The following TNRC6B variants were observed in gnomAD, a reference collection of about 807,000 sequenced individuals.
The protein encoded by TNRC6B is trinucleotide repeat containing adaptor 6B.
Under a neutral mutation model 203.6 loss-of-function variants are expected in TNRC6B, and 52 were observed. That is an observed-to-expected ratio of 0.26 (90% confidence interval 0.20 to 0.32). TNRC6B has a LOEUF of 0.32. Ranked by LOEUF, TNRC6B falls within the 10% of genes least tolerant of loss-of-function variation. The pLI is 1.00. For missense variants in TNRC6B, 1,923 were observed against 2,286.2 expected, an observed-to-expected ratio of 0.84 and a Z score of 3.24; for synonymous variants, 838 against 845.7, an observed-to-expected ratio of 0.99 and a Z score of 0.16.
intron 1 of TNRC6B, among the ~76,000 whole-genome samples, chr22:40,049,877 T>G (rs1401459514): frequency 6.6e-6 from 1 of 152,152 alleles, no homozygotes; most frequent in Non-Finnish European, 1.5e-5. Context: ...GTGCTGAGAT[T>G]ACAGGCATGA....
rs58022219 is a variant in TNRC6B at position 40,167,704 on chromosome 22, CAAAAAAAAAAA to C, written c.113+11538_113+11548del. Reference sequence around the variant, plus strand: ...GACCAGCATAGATTCCCATCGCTACCAAAAAAAAAAAAAAAAAAAAAAAAAAGCTGGCCATG... The same window carrying C: ...GACCAGCATAGATTCCCATCGCTACCAAAAAAAAAAAAAAAGCTGGCCATG... On this transcript the variant is annotated intron_variant, in intron 4 of 23. Transcript: ENST00000301923. 4.4e-3 allele frequency among the ~76,000 whole-genome samples: 262 copies of C among 59,032 alleles called. 2 individuals carry two copies. Among genetic ancestry groups the C allele is most frequent in the African/African-American group, 0.017 (247 of 14,758 alleles). The allele number at this position is 59,032 out of a possible 152,430, so 38.7% of individuals were successfully genotyped here.
In TNRC6B at chr22:40,281,310, T is replaced by C. The variant is rs1051206463; in HGVS notation, c.3582+21T>C. 2.0e-6 allele frequency: 3 copies of C among 1,528,326 alleles called. No homozygotes were observed. In the African/African-American group the frequency reaches 4.2e-5, roughly 21 times the overall value. The allele number at this position is 1,528,326 out of a possible 1,614,324, so 94.7% of individuals were successfully genotyped here. On this transcript the variant is annotated intron_variant, in intron 11 of 22. Coordinates refer to ENST00000454349, the MANE Select transcript of TNRC6B (RefSeq NM_001162501.2). ...GACAAGTAAGGAGGCCTCTCAAATT[T>C]ATAACTGCTTGGCTATGGCCTCGCC...
intron 3 of TNRC6B, among the ~76,000 whole-genome samples, chr22:40,135,424 G>C (rs1292246466): frequency 6.6e-6 from 1 of 152,176 alleles, no homozygotes; most frequent in Non-Finnish European, 1.5e-5. Context: ...AGAGTTTCAA[G>C]AATAGACCAC....
chr22:40,289,676 A>G (rs996528550), intron 12 of TNRC6B, among the ~76,000 whole-genome samples: 3 of 152,140 alleles, frequency 2.0e-5, no homozygotes, highest in Non-Finnish European at 4.4e-5. Flanking sequence ...CCAGATCTCA[A>G]CCTTCGAACC....
In TNRC6B at chr22:40,262,072, G is replaced by T; in HGVS notation, c.356G>T (p.Gly119Val). 2.5e-6 allele frequency: 4 copies of T among 1,580,274 alleles called. No homozygotes were observed. The highest frequency in any genetic ancestry group is 3.5e-6 in the Non-Finnish European group (4 of 1,155,998). ...CCTCCACCGTCCTGCATGCTCCTTG[G>T]GGGTGGGGCAGGGCCTCCTCCCTGC... ...QPPPPSCMLL[G>V]GGAGPPPCTA... Residue 119 changes from glycine (G) to valine (V), a missense_variant, in exon 4 of 23, where the codon GGG becomes GTG. Around this residue, in one of 8 missense-constraint regions of TNRC6B, gnomAD observed 614 missense variants for 587.7 expected, o/e 1.04. Coordinates refer to ENST00000454349, the MANE Select transcript of TNRC6B (RefSeq NM_001162501.2).
intron 1 of TNRC6B, among the ~76,000 whole-genome samples, chr22:40,237,133 C>T (rs1455239149): frequency 6.6e-6 from 1 of 152,126 alleles, no homozygotes; most frequent in Admixed American, 6.6e-5. Context: ...CCACTGCACT[C>T]GGGAGATGGC....
intron 1 of TNRC6B, among the ~76,000 whole-genome samples, chr22:40,081,307 G>GTTTTTT (rs34140652): frequency 1.6e-4 from 16 of 101,486 alleles, no homozygotes; most frequent in African/African-American, 5.1e-4. Flanking sequence ...GTGTCTGCGT[G>GTTTTTT]TTTTTTTTTT....
At chr22:40,135,426 A>G (rs2068591721) in intron 3 of TNRC6B, among the ~76,000 whole-genome samples, 1 of 152,222 alleles carries the variant, frequency 6.6e-6, no homozygotes, top group Non-Finnish European at 1.5e-5. Context: ...AGTTTCAAGA[A>G]TAGACCACAG....
intron 6 of TNRC6B, 87 bp from the exon 7 acceptor site, chr22:40,273,338 C>T (rs534799143): frequency 1.0e-5 from 13 of 1,265,326 alleles, no homozygotes; most frequent in African/African-American, 4.5e-5. Context: ...TACAAAGACA[C>T]GTAAATGCTG....
intron 21 of TNRC6B, among the ~76,000 whole-genome samples, chr22:40,318,787 T>A (rs1360456836): frequency 6.6e-6 from 1 of 152,168 alleles, no homozygotes; most frequent in East Asian, 1.9e-4. Context: ...TGAAAAATGC[T>A]GGCCAGATGT....
chr22:40,052,245 A>AT (rs1355926117), intron 1 of TNRC6B, among the ~76,000 whole-genome samples: 44 of 152,028 alleles, frequency 2.9e-4, no homozygotes, highest in African/African-American at 1.0e-3. Flanking sequence ...TTTTGGTGTC[A>AT]TTGTTTTTTT....
intron 1 of TNRC6B, among the ~76,000 whole-genome samples, chr22:40,201,110 A>T (rs990176711): frequency 6.6e-6 from 1 of 152,198 alleles, no homozygotes; most frequent in Non-Finnish European, 1.5e-5. Context: ...GGTAGCTCCC[A>T]CTGAGGGACG....
chr22:40,311,490 G>T (rs185101009), intron 17 of TNRC6B, among the ~76,000 whole-genome samples: 155 of 151,748 alleles, frequency 1.0e-3, no homozygotes, highest in African/African-American at 3.7e-3. Flanking sequence ...ACCTCTTTCT[G>T]TGCATGCGTA....
At chr22:40,275,288 T>G (rs1235733214) in intron 7 of TNRC6B, among the ~76,000 whole-genome samples, 1 of 152,238 alleles carries the variant, frequency 6.6e-6, no homozygotes, top group East Asian at 1.9e-4. Context: ...GGCTTTCTTT[T>G]GGTTATTTAC....
intron 3 of TNRC6B, among the ~76,000 whole-genome samples, chr22:40,152,619 C>T (rs1205520402): frequency 6.6e-6 from 1 of 151,800 alleles, no homozygotes; most frequent in East Asian, 2.0e-4. Context: ...TGAGCCATCG[C>T]ACCCGGCCAC....
chr22:40,120,892 C>T (rs2068437980), intron 2 of TNRC6B, among the ~76,000 whole-genome samples: 2 of 152,156 alleles, frequency 1.3e-5, no homozygotes. Context: ...GACCTGCCTT[C>T]TCGCCTGCCT....
At chr22:40,160,230 A>G (rs1039140010) in intron 4 of TNRC6B, among the ~76,000 whole-genome samples, 10 of 152,106 alleles carry the variant, frequency 6.6e-5, no homozygotes, top group Admixed American at 6.5e-4. Context: ...TAATCCCAGC[A>G]CTTTGGGAGG....
At chr22:40,062,409 A>T (rs2067860996) in intron 1 of TNRC6B, among the ~76,000 whole-genome samples, 1 of 152,108 alleles carries the variant, frequency 6.6e-6, no homozygotes, top group Admixed American at 6.5e-5. Flanking sequence ...GGGTTTCACC[A>T]TGTTGGCCAG....
chr22:40,143,259 G>A (rs569888070), intron 3 of TNRC6B, among the ~76,000 whole-genome samples: 14 of 152,076 alleles, frequency 9.2e-5, no homozygotes, highest in African/African-American at 3.1e-4. Context: ...GCAAGACCCC[G>A]ACTCTACAAA....
Sources: gnomAD v4.1 joint callset for allele counts (sites outside exome capture counted in the v4.1 genomes callset) on GRCh38, gnomAD v4.1.1 for gene constraint, gnomAD v4.1.1 regional missense constraint, MANE v1.5 for transcripts, NCBI Gene and HGNC (gene_info 2026-07-23, HGNC 2026-07-21) for gene names.